CD151: variants seen among roughly 807,000 people sequenced by gnomAD.
CD151 encodes the protein CD151 antigen.
Under a neutral mutation model 34.2 loss-of-function variants are expected in CD151, and 20 were observed. The ratio of observed to expected loss-of-function variants is 0.58; its 90% CI spans 0.41 to 0.85. The LOEUF is 0.85. Ranked by LOEUF, CD151 falls within the 40% of genes least tolerant of loss-of-function variation. The pLI is 0.00. For synonymous variants in CD151, 157 were observed against 131.7 expected, an observed-to-expected ratio of 1.19 and a Z score of -1.32; for missense variants, 306 against 324.5, an observed-to-expected ratio of 0.94 and a Z score of 0.44.
rs751904488 is a variant in CD151 at position 837,509 on chromosome 11, G to A, written c.506G>A (p.Trp169Ter). Residue 169 changes from tryptophan (W) to a stop codon, truncating the protein, a stop_gained, in exon 7 of 9, where the codon TGG becomes TAG. Coordinates refer to ENST00000397420, the MANE Select transcript of CD151 (RefSeq NM_004357.5). LOFTEE classifies it high-confidence loss of function. Reference protein sequence around the residue: ...NNSQDWRDSEWIRSQEAGGRV... With the variant: ...NNSQDWRDSE ...TCACAGGACTGGCGAGACAGTGAGT[G>A]GATCCGCTCACAGGAGGCCGGTGGC... The A allele has an allele frequency of 1.2e-6, 2 of 1,612,990 alleles. No individual in the cohort carries two copies. Among genetic ancestry groups the A allele is most frequent in the Non-Finnish European group, 1.7e-6 (2 of 1,179,968 alleles).
intron 4 of CD151, 56 bp from the exon 5 acceptor site, chr11:836,713 A>G (rs1846786697): frequency 2.6e-6 from 4 of 1,544,670 alleles, no homozygotes; most frequent in Admixed American, 1.7e-5. Context: ...TCTGAGGTGC[A>G]CTAGGTCTAG....
At chr11:836,707 A>T in intron 4 of CD151, 62 bp from the exon 5 acceptor site, 1 of 1,519,130 alleles carries the variant, frequency 6.6e-7, no homozygotes. Flanking sequence ...CTCTGCTCTG[A>T]GGTGCACTAG....
At chr11:837,171 C>T in intron 5 of CD151, 79 bp from the exon 6 acceptor site, 3 of 1,226,328 alleles carry the variant, frequency 2.4e-6, no homozygotes, top group Non-Finnish European at 3.6e-6. Flanking sequence ...GGCCTCCCCA[C>T]CGGCCATCCT....
At chr11:837,725 TG>T in intron 7 of CD151, 107 bp downstream of exon 7, 10 of 1,220,450 alleles carry the variant, frequency 8.2e-6, no homozygotes, top group African/African-American at 1.5e-5. Context: ...TACCAGGAGG[TG>T]GGGGGTCACC....
intron 1 of CD151, among the ~76,000 whole-genome samples, chr11:833,238 G>T (rs1242155828): frequency 1.3e-5 from 2 of 151,920 alleles, no homozygotes; most frequent in African/African-American, 4.8e-5. Context: ...CTGCCCTTCC[G>T]CGGGAGGCGG....
chr11:836,189 C>A (rs754521405), intron 3 of CD151, 36 bp downstream of exon 3: 17 of 1,548,120 alleles, frequency 1.1e-5, no homozygotes, highest in Non-Finnish European at 1.4e-5. Flanking sequence ...CCCCCACCCC[C>A]ACCCCTCCCG....
rs777283624 is a variant in CD151, at chr11:836,055, C to G, written c.-7-8C>G. 4.1e-5 allele frequency: 65 copies of G among 1,588,546 alleles called. No homozygotes were observed. The highest frequency in any genetic ancestry group is 1.5e-4 in the Admixed American group (9 of 59,922). Reference sequence around the variant, plus strand: ...GTGGCCCCGCTGACCCCTCCCCTGCCTCCTCAGCCCCAGGATGGGTGAGTT... The same window carrying G: ...GTGGCCCCGCTGACCCCTCCCCTGCGTCCTCAGCCCCAGGATGGGTGAGTT... On this transcript the variant is annotated splice_polypyrimidine_tract_variant and splice_region_variant and intron_variant, in intron 2 of 8. Transcript: ENST00000397420.
intron 1 of CD151, among the ~76,000 whole-genome samples, chr11:833,368 A>C (rs1846608360): frequency 6.6e-6 from 1 of 152,018 alleles, no homozygotes; most frequent in South Asian, 2.1e-4. Context: ...CACCCTGCTC[A>C]TTGTCCCTGG....
intron 1 of CD151, among the ~76,000 whole-genome samples, chr11:833,814 A>AGACACACATCCCCCCATCGGGGGCAGACG (rs1846642091): frequency 9.3e-6 from 1 of 107,674 alleles, no homozygotes; most frequent in Non-Finnish European, 2.1e-5. Flanking sequence ...TGGCAGACGC[A>AGACACACATCCCCCCATCGGGGGCAGACG]CACCCCGCCC....
chr11:837,781 C>T (rs561404732), intron 7 of CD151, among the ~76,000 whole-genome samples, 161 bp from the exon 8 acceptor site: 2 of 152,286 alleles, frequency 1.3e-5, no homozygotes, highest in South Asian at 2.1e-4. Context: ...CCAATATCTA[C>T]GAGGAAGTGG....
Position 836,758 on chromosome 11 carries a change from G to GCC in CD151, c.277-4_277-3dup. Reference sequence around the variant, plus strand: ...CTCAGAACAAGGGTGCCCTTGTGCTGCCCCCCCCAGTACTTCATCCTGCTC... The same window carrying GCC: ...CTCAGAACAAGGGTGCCCTTGTGCTGCCCCCCCCCCAGTACTTCATCCTGCTC... On this transcript the variant is annotated splice_polypyrimidine_tract_variant and intron_variant, in intron 4 of 8. Transcript: ENST00000397420. 9.9e-6 allele frequency: 16 copies of GCC among 1,609,822 alleles called. No homozygotes were observed. Among genetic ancestry groups the GCC allele is most frequent in the Non-Finnish European group, 1.3e-5 (15 of 1,177,718 alleles).
intron 4 of CD151, 52 bp from the exon 5 acceptor site, chr11:836,715 TAG>T (rs1846786849): frequency 1.3e-6 from 2 of 1,549,820 alleles, no homozygotes; most frequent in African/African-American, 2.7e-5. Flanking sequence ...TGAGGTGCAC[TAG>T]GTCTAGGCAC....
At position 836,085 on chromosome 11, in the gene CD151, G is replaced by A. The variant is rs371206840; in HGVS notation, c.16G>A (p.Glu6Lys). The A allele has an allele frequency of 7.3e-5, 117 of 1,612,164 alleles. No individual in the cohort carries two copies. Among genetic ancestry groups the A allele is most frequent in the East Asian group, 4.7e-4 (21 of 44,896 alleles). The change falls in exon 3 of 9, where the codon GAG (glutamate) becomes AAG (lysine). Residue 6 changes from glutamate (E) to lysine (K), a missense_variant. Transcript: ENST00000397420. Reference protein sequence around the residue: MGEFNEKKTTCGTVCL... With the variant: MGEFNKKKTTCGTVCL... The stretch of plus-strand genomic sequence containing the variant: ...CAGCCCCAGGATGGGTGAGTTCAAC[G>A]AGAAGAAGACAACATGTGGCACCGT...
intron 4 of CD151, 21 bp downstream of exon 4, chr11:836,463 CGGGGT>C: frequency 6.4e-7 from 1 of 1,573,868 alleles, no homozygotes; most frequent in Non-Finnish European, 8.6e-7. Context: ...CGCAGGGCCA[CGGGGT>C]GGGGGTGGTG....
Position 837,447 on chromosome 11 carries a change from G to GT in CD151, c.457-11dup. Reference sequence around the variant, plus strand: ...GGCCCCAGGTCTCAACCCCAGCCTTGTTCTTGATGCAGTTCCACTGCTGTG... The same window carrying GT: ...GGCCCCAGGTCTCAACCCCAGCCTTGTTTCTTGATGCAGTTCCACTGCTGTG... On this transcript the variant is annotated splice_polypyrimidine_tract_variant and intron_variant, in intron 6 of 8. Transcript: ENST00000397420. 6.2e-7 allele frequency: 1 copy of GT among 1,612,708 alleles called. No individual in the cohort carries two copies.
At chr11:835,908 T>C (rs572799172) in intron 2 of CD151, 155 bp from the exon 3 acceptor site, 366 of 627,090 alleles carry the variant, frequency 5.8e-4, no homozygotes, top group East Asian at 2.0e-3. Flanking sequence ...AGGATGGTCT[T>C]GATCTCCTGA....
intron 1 of CD151, among the ~76,000 whole-genome samples, chr11:833,322 C>T (rs911344528): frequency 1.3e-5 from 2 of 152,288 alleles, no homozygotes; most frequent in East Asian, 1.9e-4. Flanking sequence ...CTGACGGCCC[C>T]CTTCAGCCCA....
rs1387470027 is a variant in CD151, at chr11:838,004, G to A, written c.678G>A (p.Val226=). ...IQEHLRVIGA[V]GIGIACVQVF... is the part of the protein sequence containing the mutation. ...AGCACCTGAGGGTCATTGGGGCTGT[G>A]GGGATCGGCATTGCCTGTGTGCAGG... Residue 226 remains valine, a synonymous_variant, in exon 8 of 9, where the codon GTG becomes GTA. Transcript: ENST00000397420. 6.2e-7 allele frequency: 1 copy of A among 1,613,466 alleles called. No individual in the cohort carries two copies. Among genetic ancestry groups the A allele is most frequent in the Admixed American group, 1.7e-5 (1 of 59,984 alleles).
chr11:836,905 A>G (rs751935271), intron 5 of CD151, 62 bp downstream of exon 5: 3 of 1,432,788 alleles, frequency 2.1e-6, no homozygotes, highest in Non-Finnish European at 2.9e-6. Context: ...GGACACACAC[A>G]CATGCACACG....
Sources: allele counts gnomAD v4.1 joint callset (sites outside exome capture counted in the v4.1 genomes callset), GRCh38; gene constraint gnomAD v4.1.1; transcripts MANE v1.5; gene names NCBI Gene and HGNC (gene_info 2026-07-23, HGNC 2026-07-21).